Variants in OPCML observed in about 807,000 individuals in gnomAD.
OPCML encodes the protein opioid binding protein/cell adhesion molecule like, also known as opioid-binding protein/cell adhesion molecule.
OPCML carries 13 observed loss-of-function variants against 37.8 expected under a neutral mutation model. The observed-to-expected ratio is 0.34, with a 90% CI of 0.22 to 0.55. The LOEUF (loss-of-function observed/expected upper bound fraction) is 0.55. OPCML is among the 20% of genes least tolerant of loss of function. The probability of loss-of-function intolerance (pLI) is 0.91; values close to 1 mark genes in which losing one functional copy is unlikely to be tolerated. For missense variants in OPCML, 341 were observed against 435.6 expected (o/e 0.78, Z 1.93); for synonymous variants, 176 against 168.8 (o/e 1.04, Z -0.33).
Position 132,657,108 on chromosome 11 carries a change from G to A in OPCML, c.358C>T (p.Arg120Trp), listed in dbSNP as rs781145977. ...VQTDNHPKTS[R>W]VHLIVQVPPQ... ...TTACCTTGCACTATTAGGTGAACCC[G>A]GGACGTTTTGGGATGATTGTCTGTC... Residue 120 changes from arginine (R) to tryptophan (W), a missense_variant, in exon 3 of 8, where the codon CGG becomes TGG. Coordinates refer to ENST00000524381, the MANE Select transcript of OPCML (RefSeq NM_001012393.5). The A allele has an allele frequency of 3.7e-6, 6 of 1,614,208 alleles. No homozygotes were observed. In the East Asian group the frequency reaches 8.9e-5, roughly 24 times the overall value.
At chr11:133,041,501 A>C (rs1947896973) in intron 1 of OPCML, among the ~76,000 whole-genome samples, 2 of 152,172 alleles carry the variant, frequency 1.3e-5, no homozygotes, top group Admixed American at 6.5e-5. Flanking sequence ...TTCATCTAGA[A>C]GTAGATGAGG....
Position 133,205,672 on chromosome 11 carries a change from G to A in OPCML, c.62-262662C>T, listed in dbSNP as rs1401261291. On this transcript the variant is annotated intron_variant, in intron 1 of 7. Transcript: ENST00000524381. This position sits in a 1 kb window ranked among gnomAD's most constrained non-coding sequence, Gnocchi z 4.8. ...ACTCATCTGATGTCAGAAGTGTTGC[G>A]TTGCGTGAGACAAGAGAGTAGGAAA... Among the ~76,000 whole-genome samples, 3 of 152,202 alleles carry A rather than the reference G, an allele frequency of 2.0e-5. No homozygotes were observed. Among genetic ancestry groups the A allele is most frequent in the African/African-American group, 4.8e-5 (2 of 41,458 alleles).
chr11:132,718,389 C>T (rs1015986854), intron 2 of OPCML, among the ~76,000 whole-genome samples: 2 of 152,142 alleles, frequency 1.3e-5, no homozygotes, highest in Non-Finnish European at 2.9e-5. Flanking sequence ...AAATAAACCA[C>T]ATTACAAGTC....
chr11:132,618,893 G>A (rs1939203828), intron 3 of OPCML, among the ~76,000 whole-genome samples: 1 of 151,302 alleles, frequency 6.6e-6, no homozygotes, highest in South Asian at 2.1e-4. Flanking sequence ...TGCCCCTGCA[G>A]CCAGAATAAT....
At chr11:132,565,081 C>T (rs765374794) in intron 3 of OPCML, among the ~76,000 whole-genome samples, 18 of 152,112 alleles carry the variant, frequency 1.2e-4, no homozygotes, top group Admixed American at 3.3e-4. Context: ...ATAATCTTAA[C>T]GGTATCTCTA....
At chr11:132,983,796 T>C (rs1946636770) in intron 1 of OPCML, among the ~76,000 whole-genome samples, 1 of 152,224 alleles carries the variant, frequency 6.6e-6, no homozygotes, top group Non-Finnish European at 1.5e-5. Context: ...CACATATGGC[T>C]ATGTGTTCTT....
At chr11:132,893,819 G>A (rs1417107103) in intron 2 of OPCML, among the ~76,000 whole-genome samples, 1 of 152,190 alleles carries the variant, frequency 6.6e-6, no homozygotes, top group Non-Finnish European at 1.5e-5. Flanking sequence ...AAAGATGGTG[G>A]GCTGTATCTC....
At chr11:132,693,529 T>C (rs1477299115) in intron 2 of OPCML, among the ~76,000 whole-genome samples, 1 of 152,142 alleles carries the variant, frequency 6.6e-6, no homozygotes, top group Non-Finnish European at 1.5e-5. Flanking sequence ...ATTCTCCAAA[T>C]GAAGAATATA....
intron 2 of OPCML, among the ~76,000 whole-genome samples, chr11:132,735,563 T>A (rs1005707912): frequency 2.0e-5 from 3 of 152,132 alleles, no homozygotes; most frequent in Non-Finnish European, 4.4e-5. Context: ...CTTGGCTCAC[T>A]GCAAGTTCCT....
intron 2 of OPCML, among the ~76,000 whole-genome samples, chr11:132,922,815 G>T (rs1338637277): frequency 6.6e-6 from 1 of 152,158 alleles, no homozygotes. Context: ...GCTCACGTCT[G>T]TAATCCCAGC....
At chr11:132,631,240 A>G (rs1465081286) in intron 3 of OPCML, among the ~76,000 whole-genome samples, 5 of 151,600 alleles carry the variant, frequency 3.3e-5, no homozygotes, top group Non-Finnish European at 7.4e-5. Flanking sequence ...GTTATTGAGT[A>G]TATAAACTTT....
At chr11:132,994,929 T>C (rs534796860) in intron 1 of OPCML, among the ~76,000 whole-genome samples, 69 of 152,206 alleles carry the variant, frequency 4.5e-4, no homozygotes, top group Non-Finnish European at 7.3e-4. Context: ...ACTGTTATTG[T>C]CATACCCATG....
intron 2 of OPCML, among the ~76,000 whole-genome samples, chr11:132,861,279 T>C (rs377411924): frequency 2.0e-5 from 3 of 152,212 alleles, no homozygotes; most frequent in Middle Eastern, 3.2e-3. Flanking sequence ...TAGGCGCTTG[T>C]TTTCAAAGCT....
At chr11:132,573,450 AG>A (rs1439946847) in intron 3 of OPCML, among the ~76,000 whole-genome samples, 2 of 152,010 alleles carry the variant, frequency 1.3e-5, no homozygotes, top group African/African-American at 2.4e-5. Context: ...CTGTGTTGAG[AG>A]TATTTATCAC....
intron 2 of OPCML, among the ~76,000 whole-genome samples, chr11:132,763,743 G>A (rs1342062134): frequency 1.3e-5 from 2 of 152,182 alleles, no homozygotes; most frequent in African/African-American, 4.8e-5. Context: ...GAGTGCTCTT[G>A]GTGTTGTCCA....
rs368324204 is a variant in OPCML, at chr11:132,459,562, AAGAG to A, written c.506-22207_506-22204del. Among the ~76,000 whole-genome samples, 31 of 147,286 alleles carry A rather than the reference AAGAG, an allele frequency of 2.1e-4. No individual in the cohort carries two copies. In the South Asian group the frequency reaches 5.1e-3, roughly 24 times the overall value. ...ATATATATATAGATAGAGAGAGAGA[AAGAG>A]AGAGAGAGAGAGAGATCCTACTGGT... On this transcript the variant is annotated intron_variant, in intron 4 of 7. Transcript: ENST00000524381.
At chr11:132,895,486 T>G (rs1943803780) in intron 2 of OPCML, among the ~76,000 whole-genome samples, 1 of 152,340 alleles carries the variant, frequency 6.6e-6, no homozygotes, top group South Asian at 2.1e-4. Context: ...GCGCTTATCA[T>G]ATGACTGACT....
chr11:133,510,102 T>A (rs1377606359), intron 1 of OPCML, among the ~76,000 whole-genome samples: 1 of 152,182 alleles, frequency 6.6e-6, no homozygotes, highest in Non-Finnish European at 1.5e-5. Context: ...ACCCAGCCTG[T>A]TCTGAGCTGG....
At chr11:133,292,174 T>C (rs897053171) in intron 1 of OPCML, among the ~76,000 whole-genome samples, 1 of 151,952 alleles carries the variant, frequency 6.6e-6, no homozygotes, top group African/African-American at 2.4e-5. Flanking sequence ...AACAGACCAT[T>C]AAAACACCAG....
Sources: allele counts gnomAD v4.1 joint callset (sites outside exome capture counted in the v4.1 genomes callset), GRCh38; gene constraint gnomAD v4.1.1; non-coding constraint Gnocchi (gnomAD v3.1); transcripts MANE v1.5; gene names NCBI Gene and HGNC (gene_info 2026-07-23, HGNC 2026-07-21).